Variants in EPHB2 observed in about 807,000 individuals in gnomAD.
EPHB2 encodes the protein EPH receptor B2.
EPHB2 carries 18 observed loss-of-function variants against 96.4 expected under a neutral mutation model. The observed-to-expected ratio is 0.19, with a 90% CI of 0.13 to 0.28. The LOEUF (loss-of-function observed/expected upper bound fraction) is 0.28. Ranked by LOEUF, EPHB2 falls within the 10% of genes least tolerant of loss-of-function variation. The pLI is 1.00. For synonymous variants in EPHB2, 506 were observed against 534.1 expected (o/e 0.95, Z 0.72); for missense variants, 989 against 1,355.4 (o/e 0.73, Z 4.25).
chr1:22,890,611 G>C (rs1639360041), intron 6 of EPHB2, among the ~76,000 whole-genome samples: 1 of 152,108 alleles, frequency 6.6e-6, no homozygotes, highest in Non-Finnish European at 1.5e-5. Context: ...GACTTCACCT[G>C]GTAGCCCCTG....
chr1:22,844,355 A>G (rs1041967687), intron 3 of EPHB2, among the ~76,000 whole-genome samples: 1 of 152,260 alleles, frequency 6.6e-6, no homozygotes, highest in Non-Finnish European at 1.5e-5. Flanking sequence ...AGCCTCAGCC[A>G]GGAAGAGCAG....
chr1:22,746,424 A>G (rs1428581641), intron 1 of EPHB2, among the ~76,000 whole-genome samples: 2 of 152,178 alleles, frequency 1.3e-5, no homozygotes, highest in Non-Finnish European at 2.9e-5. Context: ...TTGGTGGTCA[A>G]AAGGAACCAG....
rs186797970 is a variant in EPHB2, at chr1:22,848,243, A to G, written c.812-14794A>G. Among the ~76,000 whole-genome samples, 8 of 152,204 alleles carry G rather than the reference A, an allele frequency of 5.3e-5. No homozygotes were observed. The East Asian group carries it at 1.4e-3, about 26-fold the overall frequency. On this transcript the variant is annotated intron_variant, in intron 3 of 15. Transcript: ENST00000374630. The stretch of plus-strand genomic sequence containing the variant: ...ACTTCTTAGGGATCCAGACTAGGGA[A>G]TTTTCCAGGACAAGTAGGCCTCCAG...
intron 3 of EPHB2, among the ~76,000 whole-genome samples, chr1:22,862,416 A>T (rs953131803): frequency 1.3e-5 from 2 of 152,004 alleles, no homozygotes; most frequent in Admixed American, 1.3e-4. Context: ...ACTCACAATG[A>T]CCCTGCAGAG....
Position 22,875,547 on chromosome 1 carries a change from C to A in EPHB2, c.1304-6812C>A, listed in dbSNP as rs1415424785. Among the ~76,000 whole-genome samples the A allele has an allele frequency of 6.6e-6, 1 of 152,148 alleles. No individual in the cohort carries two copies. The highest frequency in any genetic ancestry group is 6.5e-5 in the Admixed American group (1 of 15,274). On this transcript the variant is annotated intron_variant, in intron 5 of 15. Transcript: ENST00000374630. The surrounding 1 kb of genome is among the most constrained non-coding windows in gnomAD (Gnocchi z 4.2). The stretch of plus-strand genomic sequence containing the variant: ...GGCCAGCCCACAAGGTCGGTAGACT[C>A]GGGTTCCTGAGGGCGCCAGAAAAGG...
intron 3 of EPHB2, among the ~76,000 whole-genome samples, chr1:22,849,550 G>A (rs764107208): frequency 1.3e-5 from 2 of 152,326 alleles, no homozygotes; most frequent in Admixed American, 6.5e-5. Context: ...AATTCTAACT[G>A]TGGGATCCAG....
chr1:22,907,963 G>A lies in EPHB2; in HGVS notation c.2147G>A (p.Gly716Glu). Residue 716 changes from glycine to glutamate, a missense_variant, in exon 12 of 16, where the codon GGG becomes GAG. By Grantham distance (98) the Gly-to-Glu change is moderately conservative. Coordinates refer to ENST00000374630, the MANE Select transcript of EPHB2 (RefSeq NM_017449.5). ...SLDSFLRQND[G>E]QFTVIQLVGM... is the part of the protein sequence containing the mutation. ...CCACTTCTCCCAAAGCAAAACGATG[G>A]GCAGTTCACAGTCATCCAGCTGGTG... is the stretch of plus-strand genomic sequence containing the variant. 6.2e-7 allele frequency: 1 copy of A among 1,614,204 alleles called. No homozygotes were observed. Among genetic ancestry groups the A allele is most frequent in the Non-Finnish European group, 8.5e-7 (1 of 1,180,038 alleles).
intron 2 of EPHB2, among the ~76,000 whole-genome samples, chr1:22,783,149 G>A (rs1644558487): frequency 6.6e-6 from 1 of 152,178 alleles, no homozygotes; most frequent in African/African-American, 2.4e-5. Context: ...GGCAGCACAG[G>A]CAACCACACG....
intron 3 of EPHB2, among the ~76,000 whole-genome samples, chr1:22,833,362 G>C (rs1393757788): frequency 2.2e-4 from 33 of 151,998 alleles, no homozygotes; most frequent in Admixed American, 2.2e-3. Flanking sequence ...CCATGATCTA[G>C]CCTCCTCGGC....
chr1:22,784,533 A>G lies in EPHB2; in HGVS notation c.268A>G (p.Met90Val), dbSNP rs759909155. The G allele has an allele frequency of 1.2e-6, 2 of 1,613,946 alleles. No individual in the cohort carries two copies. The highest frequency in any genetic ancestry group is 8.5e-7 in the Non-Finnish European group (1 of 1,179,836). Residue 90 changes from methionine (M) to valine (V), a missense_variant, in exon 3 of 16, where the codon ATG (methionine) becomes GTG (valine). Transcript: ENST00000374630. The surrounding 1 kb of genome is among the most constrained non-coding windows in gnomAD (Gnocchi z 5.1). ...TGGCGCCCACCGCATCCACGTGGAG[A>G]TGAAGTTTTCGGTGCGTGACTGCAG... ...RRGAHRIHVE[M>V]KFSVRDCSSI...
intron 1 of EPHB2, among the ~76,000 whole-genome samples, chr1:22,741,303 C>G (rs1156805845): frequency 2.0e-5 from 3 of 152,058 alleles, no homozygotes; most frequent in African/African-American, 7.3e-5. Flanking sequence ...CAAGTCTGTC[C>G]CCTCTACTTT....
chr1:22,744,559 A>C (rs1643943394), intron 1 of EPHB2, among the ~76,000 whole-genome samples: 1 of 149,038 alleles, frequency 6.7e-6, no homozygotes, highest in East Asian at 2.0e-4. Context: ...GTGTGCCTGT[A>C]GTCCAACTAC....
chr1:22,743,747 A>G (rs1258475437), intron 1 of EPHB2, among the ~76,000 whole-genome samples: 1 of 152,198 alleles, frequency 6.6e-6, no homozygotes, highest in East Asian at 1.9e-4. Context: ...TGCTGGGATT[A>G]TAGGTGTGAG....
rs1224799943 is a variant in EPHB2, at chr1:22,757,908, C to CTTTTTT, written c.62-23490_62-23485dup. ...CCATGCTCACTATGTGTAAGCTATG[C>CTTTTTT]TTTTTTTTTTTTTTTTTTTTTTTTT... is the stretch of plus-strand genomic sequence containing the variant. On this transcript the variant is annotated intron_variant, in intron 1 of 15. Transcript: ENST00000374630. Among the ~76,000 whole-genome samples the CTTTTTT allele has an allele frequency of 9.2e-5, 5 of 54,154 alleles. 2 individuals carry two copies. The highest frequency in any genetic ancestry group is 3.6e-4 in the African/African-American group (5 of 13,706). 35.5% of individuals were successfully genotyped at this position (54,154 alleles called of 152,430 possible).
Position 22,784,894 on chromosome 1 carries a change from C to A in EPHB2, c.629C>A (p.Thr210Asn). ...IIQNGAIFQE[T>N]LSGAESTSLV... ...CAGAATGGCGCCATCTTCCAGGAAA[C>A]CCTGTCGGGGGCTGAGAGCACATCG... The change falls in exon 3 of 16, where the codon ACC (threonine) becomes AAC (asparagine). Residue 210 changes from threonine (T) to asparagine (N), a missense_variant. Thr to Asn is a moderately conservative substitution (Grantham distance 65). Transcript: ENST00000374630. This position sits in a 1 kb window ranked among gnomAD's most constrained non-coding sequence, Gnocchi z 5.1. The A allele has an allele frequency of 6.2e-7, 1 of 1,613,882 alleles. No individual in the cohort carries two copies.
At chr1:22,752,767 G>T (rs1015205433) in intron 1 of EPHB2, among the ~76,000 whole-genome samples, 3 of 150,880 alleles carry the variant, frequency 2.0e-5, no homozygotes, top group Non-Finnish European at 4.4e-5. Flanking sequence ...ATACTTACAC[G>T]TACACACACA....
intron 1 of EPHB2, among the ~76,000 whole-genome samples, chr1:22,730,246 T>C (rs1012207605): frequency 3.9e-5 from 6 of 152,228 alleles, no homozygotes; most frequent in African/African-American, 1.4e-4. Context: ...GGTGGCTTGA[T>C]GAGGCCACAC....
intron 9 of EPHB2, among the ~76,000 whole-genome samples, chr1:22,897,709 C>A (rs1432952818): frequency 6.6e-6 from 1 of 152,186 alleles, no homozygotes. Flanking sequence ...ATTGCTTGAA[C>A]CCGGGAAGCA....
Position 22,906,634 on chromosome 1 carries a change from G to T in EPHB2, c.1889-76G>T. ...AATGTACCTGCAGGCCCCGTGAGTG[G>T]ACATGACAGGGAACAGGAAGGTGGC... On this transcript the variant is annotated intron_variant, in intron 10 of 15. Transcript: ENST00000374630. The surrounding 1 kb of genome is among the most constrained non-coding windows in gnomAD (Gnocchi z 4.8). 1 of 1,605,180 alleles carries T rather than the reference G, an allele frequency of 6.2e-7. No individual in the cohort carries two copies.
Sources: gnomAD v4.1 joint callset for allele counts (sites outside exome capture counted in the v4.1 genomes callset) on GRCh38, gnomAD v4.1.1 for gene constraint, Gnocchi (gnomAD v3.1) non-coding constraint, MANE v1.5 for transcripts, NCBI Gene and HGNC (gene_info 2026-07-23, HGNC 2026-07-21) for gene names.